The following LAMA4 variants were observed in gnomAD, a reference collection of about 807,000 sequenced individuals.
LAMA4 encodes laminin subunit alpha-4.
A neutral mutation model predicts 207.1 loss-of-function variants in LAMA4; 127 were observed. The observed-to-expected ratio is 0.61, with a 90% CI of 0.53 to 0.71. The LOEUF (loss-of-function observed/expected upper bound fraction) is 0.71, where lower values mean the gene tolerates loss of function less well. Ranked by LOEUF, LAMA4 falls within the 30% of genes least tolerant of loss-of-function variation. LAMA4 has a pLI of 0.00. For synonymous variants in LAMA4, 761 were observed against 816.0 expected, an observed-to-expected ratio of 0.93 and a Z score of 1.15; for missense variants, 2,093 against 2,246.5, an observed-to-expected ratio of 0.93 and a Z score of 1.38.
intron 13 of LAMA4, among the ~76,000 whole-genome samples, chr6:112,160,442 CAAAA>C (rs1780982949): frequency 7.2e-6 from 1 of 139,642 alleles, no homozygotes; most frequent in Non-Finnish European, 1.6e-5. Context: ...CGTCAAAAAA[CAAAA>C]CAAACAAACA....
chr6:112,139,599 C>G (rs1204470039), intron 23 of LAMA4, among the ~76,000 whole-genome samples, 153 bp downstream of exon 23: 1 of 152,214 alleles, frequency 6.6e-6, no homozygotes, highest in Non-Finnish European at 1.5e-5. Context: ...TGATAGAGAA[C>G]AGGTGAAGAG....
Position 112,180,918 on chromosome 6 carries a change from C to T in LAMA4, c.1078-2686G>A, listed in dbSNP as rs373466904. Among the ~76,000 whole-genome samples the T allele has an allele frequency of 2.6e-5, 4 of 152,342 alleles. No individual in the cohort carries two copies. In the East Asian group the frequency reaches 5.8e-4, roughly 22 times the overall value. On this transcript the variant is annotated intron_variant, in intron 9 of 38. Transcript: ENST00000230538. ...CTAAATTCCTTTCCAGCCCTGATTA[C>T]CCTCTGAATTGCAGATTCACATCTC...
At chr6:112,115,659 A>G (rs1027465932) in intron 36 of LAMA4, among the ~76,000 whole-genome samples, 1 of 152,146 alleles carries the variant, frequency 6.6e-6, no homozygotes, top group African/African-American at 2.4e-5. Flanking sequence ...CCATATTTTT[A>G]TGACTCTTTG....
rs190979200 is a variant in LAMA4, at chr6:112,118,216, A to C, written c.4822-318T>G. ...ATCCTAGTTTTCCCTCAAGAATGAC[A>C]GCTGTGCCAAGATCACCTAAGGCTG... On this transcript the variant is annotated intron_variant, in intron 34 of 38. Coordinates refer to ENST00000230538, the MANE Select transcript of LAMA4 (RefSeq NM_001105206.3). This position sits in a 1 kb window ranked among gnomAD's most constrained non-coding sequence, Gnocchi z 4.6. 1.5e-3 allele frequency among the ~76,000 whole-genome samples: 221 copies of C among 152,354 alleles called. No homozygotes were observed. The highest frequency in any genetic ancestry group is 5.1e-3 in the African/African-American group (211 of 41,594).
In LAMA4 at chr6:112,175,351, C is replaced by T. The variant is rs1052880266; in HGVS notation, c.1319G>A (p.Arg440Gln). 8.1e-6 allele frequency: 13 copies of T among 1,613,996 alleles called. No homozygotes were observed. Among genetic ancestry groups the T allele is most frequent in the African/African-American group, 1.3e-5 (1 of 74,908 alleles). Residue 440 changes from arginine to glutamine, a missense_variant, in exon 11 of 39, where the codon CGG becomes CAG. By Grantham distance (43) the Arg-to-Gln change is conservative (BLOSUM62 1). Transcript: ENST00000230538. ...ATCTGCCTCCTCATCCACGAGCTCC[C>T]GTTGGGTGAAAAATGGTTGACGGCT... ...IRSRQPFFTQ[R>Q]ELVDEEADEA... is the part of the protein sequence containing the mutation.
At chr6:112,180,164 G>T (rs1782269029) in intron 9 of LAMA4, among the ~76,000 whole-genome samples, 1 of 152,134 alleles carries the variant, frequency 6.6e-6, no homozygotes, top group Non-Finnish European at 1.5e-5. Flanking sequence ...TCAGAGTAAA[G>T]CTCTATTGTT....
chr6:112,251,925 A>G (rs1410573510), intron 2 of LAMA4, among the ~76,000 whole-genome samples: 2 of 152,184 alleles, frequency 1.3e-5, no homozygotes, highest in East Asian at 3.8e-4. Flanking sequence ...TTAATTCACT[A>G]CGTGACATTT....
rs201484136 is a variant in LAMA4, at chr6:112,155,690, C to T, written c.1834G>A (p.Asp612Asn). 9 of 1,613,978 alleles carry T rather than the reference C, an allele frequency of 5.6e-6. No homozygotes were observed. The highest frequency in any genetic ancestry group is 1.3e-5 in the African/African-American group (1 of 74,922). Reference protein sequence around the residue: ...NELSRKLHSSDMNGLVQKALD... With the variant: ...NELSRKLHSSNMNGLVQKALD... ...GCCTTCTGTACCAGCCCGTTCATAT[C>T]TGAACTGTGCAACTTCCTGTTAATA... Residue 612 changes from aspartate to asparagine, a missense_variant, in exon 15 of 39, where the codon GAT becomes AAT. By Grantham distance (23) the Asp-to-Asn change is conservative. Transcript: ENST00000230538.
At chr6:112,163,559 A>G (rs557077596) in intron 13 of LAMA4, among the ~76,000 whole-genome samples, 2 of 152,122 alleles carry the variant, frequency 1.3e-5, no homozygotes, top group Admixed American at 1.3e-4. Context: ...CCCGGGAGAG[A>G]CAGGCGGGTC....
chr6:112,111,768 T>G (rs1020985835), intron 38 of LAMA4, among the ~76,000 whole-genome samples: 1 of 152,208 alleles, frequency 6.6e-6, no homozygotes, highest in South Asian at 2.1e-4. Context: ...TTGCTATTCA[T>G]TCTGTGTTTC....
rs1554352530 is a variant in LAMA4, at chr6:112,201,704, A to C, written c.423-16T>G. On this transcript the variant is annotated splice_polypyrimidine_tract_variant and intron_variant, in intron 4 of 38. Coordinates refer to ENST00000230538, the MANE Select transcript of LAMA4 (RefSeq NM_001105206.3). Reference sequence around the variant, plus strand: ...TTCTGCAAAACTAAAATTGGAAGCAAATATTGGAAGTCAATTCCATACATC... The same window carrying C: ...TTCTGCAAAACTAAAATTGGAAGCACATATTGGAAGTCAATTCCATACATC... 3 of 1,606,748 alleles carry C rather than the reference A, an allele frequency of 1.9e-6. 1 individual carries two copies. In the South Asian group the frequency reaches 3.3e-5, roughly 18 times the overall value.
chr6:112,114,041 G>T (rs1777861283), intron 38 of LAMA4, 35 bp downstream of exon 38: 1 of 1,611,866 alleles, frequency 6.2e-7, no homozygotes, highest in Admixed American at 1.7e-5. Context: ...TCAGTTTTTT[G>T]GATTGGGAAC....
intron 3 of LAMA4, among the ~76,000 whole-genome samples, chr6:112,208,810 A>G (rs1210202750): frequency 6.6e-6 from 1 of 152,206 alleles, no homozygotes; most frequent in African/African-American, 2.4e-5. Context: ...GGTATGAGCA[A>G]TCTTTAGTCC....
At position 112,136,216 on chromosome 6, in the gene LAMA4, T is replaced by G. The variant is rs781818041; in HGVS notation, c.3321A>C (p.Leu1107=). Reference sequence around the variant, plus strand: ...TGAATCCAAAATCATAGAACACATGTAGGTAACCATTGCGCATTTCCAGTC... The same window carrying G: ...TGAATCCAAAATCATAGAACACATGGAGGTAACCATTGCGCATTTCCAGTC... ...FFRLEMRNGY[L]HVFYDFGFSG... is the part of the protein sequence containing the mutation. Residue 1107 remains leucine (L), a synonymous_variant, in exon 25 of 39, where the codon CTA becomes CTC. Coordinates refer to ENST00000230538, the MANE Select transcript of LAMA4 (RefSeq NM_001105206.3). 1.2e-6 allele frequency: 2 copies of G among 1,611,940 alleles called. No homozygotes were observed. Among genetic ancestry groups the G allele is most frequent in the Non-Finnish European group, 1.7e-6 (2 of 1,178,206 alleles).
At chr6:112,128,855 C>T in intron 31 of LAMA4, 67 bp downstream of exon 31, 1 of 1,350,676 alleles carries the variant, frequency 7.4e-7, no homozygotes, top group Non-Finnish European at 1.1e-6. Context: ...TCTAAAACAG[C>T]AGTGTCTAGA....
chr6:112,153,176 A>G (rs1780500440), intron 16 of LAMA4, among the ~76,000 whole-genome samples: 1 of 152,126 alleles, frequency 6.6e-6, no homozygotes, highest in South Asian at 2.1e-4. Flanking sequence ...TGAAAAGGAA[A>G]TTTGGGAAAT....
At chr6:112,141,600 T>C (rs1583696321) in intron 20 of LAMA4, 97 bp from the exon 21 acceptor site, 12 of 976,782 alleles carry the variant, frequency 1.2e-5, no homozygotes, top group Non-Finnish European at 1.9e-5. Context: ...TATTTGGGTA[T>C]ATACAAGTGA....
intron 20 of LAMA4, 27 bp from the exon 21 acceptor site, chr6:112,141,530 T>A (rs782692172): frequency 6.6e-7 from 1 of 1,522,618 alleles, no homozygotes; most frequent in Non-Finnish European, 9.1e-7. Context: ...TAAGAAGTCA[T>A]TTAAATAAAA....
intron 6 of LAMA4, among the ~76,000 whole-genome samples, chr6:112,190,818 G>A (rs555444370): frequency 6.6e-6 from 1 of 152,246 alleles, no homozygotes; most frequent in African/African-American, 2.4e-5. Flanking sequence ...ATAACTGAAC[G>A]AGAGATATAG....
Sources: gnomAD v4.1 joint callset for allele counts (sites outside exome capture counted in the v4.1 genomes callset) on GRCh38, gnomAD v4.1.1 for gene constraint, Gnocchi (gnomAD v3.1) non-coding constraint, MANE v1.5 for transcripts, NCBI Gene and HGNC (gene_info 2026-07-23, HGNC 2026-07-21) for gene names.